The following XRCC4 variants were observed in gnomAD, a reference collection of about 807,000 sequenced individuals.
The protein encoded by XRCC4 is DNA repair protein XRCC4.
In XRCC4, 28 loss-of-function variants were observed where a neutral mutation model predicts 39.1. The ratio of observed to expected loss-of-function variants is 0.72; its 90% confidence interval spans 0.53 to 0.98. The LOEUF is 0.98. Ranked by LOEUF, XRCC4 falls within the 50% of genes least tolerant of loss-of-function variation. The pLI, the probability that XRCC4 is intolerant of heterozygous loss-of-function variation, is 0.00. For synonymous variants in XRCC4, 123 were observed against 126.4 expected (o/e 0.97, Z 0.18); for missense variants, 350 against 376.4 (o/e 0.93, Z 0.58).
chr5:83,170,460 A>T (rs1749671407), intron 3 of XRCC4, among the ~76,000 whole-genome samples: 1 of 152,138 alleles, frequency 6.6e-6, no homozygotes, highest in African/African-American at 2.4e-5. Flanking sequence ...TCTGCTCAGG[A>T]TCTCACAAGG....
chr5:83,328,130 A>T (rs1302612433), intron 7 of XRCC4, among the ~76,000 whole-genome samples: 1 of 151,962 alleles, frequency 6.6e-6, no homozygotes, highest in Admixed American at 6.6e-5. Context: ...GCAGCAAGAG[A>T]AAATGAGGAA....
chr5:83,134,528 C>G (rs551733191), intron 3 of XRCC4, among the ~76,000 whole-genome samples: 1 of 152,132 alleles, frequency 6.6e-6, no homozygotes, highest in African/African-American at 2.4e-5. Flanking sequence ...CCAATCAGCT[C>G]TCTGTAAAAC....
chr5:83,347,983 A>G (rs948245692), intron 7 of XRCC4, among the ~76,000 whole-genome samples: 6 of 152,214 alleles, frequency 3.9e-5, no homozygotes, highest in African/African-American at 1.4e-4. Flanking sequence ...CATTAAATCT[A>G]AAAGCTCCCA....
chr5:83,142,255 T>C (rs1748214466), intron 3 of XRCC4, among the ~76,000 whole-genome samples: 1 of 152,156 alleles, frequency 6.6e-6, no homozygotes. Context: ...ACTCTGATGA[T>C]ATTATCCAGT....
In XRCC4 at chr5:83,245,126, T is replaced by C. The variant is rs530749568; in HGVS notation, c.746-13404T>C. Among the ~76,000 whole-genome samples the C allele has an allele frequency of 2.6e-5, 4 of 152,294 alleles. No individual in the cohort carries two copies. In the East Asian group the frequency reaches 7.7e-4, roughly 29 times the overall value. ...GAGAAAAGTGTTCTGAGAATGGTTC[T>C]ATTAAGGAAAGTTTGTTTTCTTAGC... is the stretch of plus-strand genomic sequence containing the variant. On this transcript the variant is annotated intron_variant, in intron 6 of 7. Coordinates refer to ENST00000396027, the MANE Select transcript of XRCC4 (RefSeq NM_003401.5).
intron 3 of XRCC4, among the ~76,000 whole-genome samples, chr5:83,178,148 G>GT (rs2112641391): frequency 1.3e-5 from 2 of 152,248 alleles, no homozygotes; most frequent in African/African-American, 4.8e-5. Context: ...TACTAGATGG[G>GT]TAGAGGTTTC....
intron 4 of XRCC4, among the ~76,000 whole-genome samples, chr5:83,197,765 A>C (rs1239790076): frequency 6.6e-6 from 1 of 152,122 alleles, no homozygotes; most frequent in African/African-American, 2.4e-5. Context: ...TTTTTTTGAT[A>C]GTACTGTGTC....
At chr5:83,087,931 T>C (rs1459081329) in intron 1 of XRCC4, among the ~76,000 whole-genome samples, 1 of 152,188 alleles carries the variant, frequency 6.6e-6, no homozygotes, top group Non-Finnish European at 1.5e-5. Context: ...GGAATATTTA[T>C]GCAGGCAGAA....
intron 6 of XRCC4, among the ~76,000 whole-genome samples, chr5:83,228,338 G>T (rs1019632899): frequency 6.6e-6 from 1 of 151,702 alleles, no homozygotes; most frequent in Non-Finnish European, 1.5e-5. Context: ...TTTACATAAG[G>T]CATCTAGATT....
chr5:83,123,335 C>T (rs1471636432), intron 3 of XRCC4, among the ~76,000 whole-genome samples: 2 of 151,998 alleles, frequency 1.3e-5, no homozygotes, highest in Admixed American at 6.6e-5. Context: ...CTACTTTATG[C>T]ATGTTCTTAT....
At chr5:83,344,801 T>C (rs1246611592) in intron 7 of XRCC4, among the ~76,000 whole-genome samples, 2 of 152,178 alleles carry the variant, frequency 1.3e-5, no homozygotes, top group Non-Finnish European at 2.9e-5. Flanking sequence ...TAGGTACATA[T>C]ACCTTCATAT....
At chr5:83,275,099 A>G (rs1389698392) in intron 7 of XRCC4, among the ~76,000 whole-genome samples, 1 of 152,150 alleles carries the variant, frequency 6.6e-6, no homozygotes, top group Non-Finnish European at 1.5e-5. Context: ...TAGGTCATGC[A>G]TATGTTTTAG....
At chr5:83,146,823 T>A (rs749772898) in intron 3 of XRCC4, among the ~76,000 whole-genome samples, 1 of 152,208 alleles carries the variant, frequency 6.6e-6, no homozygotes, top group Non-Finnish European at 1.5e-5. Context: ...TTTCCCCGAG[T>A]CCAGAAAGCC....
intron 7 of XRCC4, among the ~76,000 whole-genome samples, chr5:83,324,370 C>T (rs1278627397): frequency 6.6e-6 from 1 of 152,142 alleles, no homozygotes; most frequent in Non-Finnish European, 1.5e-5. Flanking sequence ...GGGTTTTTAA[C>T]TCCACAACAT....
chr5:83,275,538 G>A (rs1489815016), intron 7 of XRCC4, among the ~76,000 whole-genome samples: 2 of 151,844 alleles, frequency 1.3e-5, no homozygotes, highest in South Asian at 2.1e-4. Flanking sequence ...CTCGTGATCC[G>A]CCCGCCTCGG....
At chr5:83,116,580 A>G (rs1455536069) in intron 3 of XRCC4, among the ~76,000 whole-genome samples, 1 of 143,320 alleles carries the variant, frequency 7.0e-6, no homozygotes, top group African/African-American at 2.5e-5. Context: ...GTTTTGTCTG[A>G]GTGAAAGAAT....
At chr5:83,207,118 C>G (rs918578917) in intron 6 of XRCC4, among the ~76,000 whole-genome samples, 1 of 152,036 alleles carries the variant, frequency 6.6e-6, no homozygotes, top group Admixed American at 6.6e-5. Context: ...GAAAAACTTA[C>G]AAAGATAATT....
intron 7 of XRCC4, among the ~76,000 whole-genome samples, chr5:83,352,329 C>T (rs1308624812): frequency 3.3e-5 from 5 of 152,170 alleles, no homozygotes; most frequent in Admixed American, 3.3e-4. Flanking sequence ...TAATATTAAG[C>T]ATACTTTATT....
At chr5:83,143,765 A>G (rs376747188) in intron 3 of XRCC4, among the ~76,000 whole-genome samples, 1 of 147,546 alleles carries the variant, frequency 6.8e-6, no homozygotes, top group South Asian at 2.1e-4. Flanking sequence ...TCTCGTCTCC[A>G]TTTTTTTTTC....
Sources: allele counts gnomAD v4.1 joint callset (sites outside exome capture counted in the v4.1 genomes callset), GRCh38; gene constraint gnomAD v4.1.1; transcripts MANE v1.5; gene names NCBI Gene and HGNC (gene_info 2026-07-23, HGNC 2026-07-21).